CORO2A: variants seen among roughly 807,000 people sequenced by gnomAD.
The protein encoded by CORO2A is coronin-2A.
Under a neutral mutation model 62.4 loss-of-function variants are expected in CORO2A, and 47 were observed. The ratio of observed to expected loss-of-function variants is 0.75; its 90% CI spans 0.60 to 0.96. The LOEUF (loss-of-function observed/expected upper bound fraction) is 0.96. Among genes scored for constraint, CORO2A ranks in the 40% least tolerant of loss-of-function variants. CORO2A has a pLI of 0.00. For synonymous variants in CORO2A, 273 were observed against 268.9 expected, an observed-to-expected ratio of 1.02 and a Z score of -0.15; for missense variants, 610 against 684.1, an observed-to-expected ratio of 0.89 and a Z score of 1.21.
intron 1 of CORO2A, among the ~76,000 whole-genome samples, chr9:98,180,333 G>A (rs749909783): frequency 5.3e-5 from 8 of 152,078 alleles, no homozygotes; most frequent in East Asian, 1.9e-4. Flanking sequence ...CTGCTACAAG[G>A]CTCAGCTTAG....
intron 2 of CORO2A, among the ~76,000 whole-genome samples, chr9:98,139,328 C>CA (rs1260487506): frequency 1.3e-5 from 2 of 151,900 alleles, no homozygotes; most frequent in African/African-American, 4.8e-5. Flanking sequence ...CCCGTCTCTA[C>CA]AAAAAATCAA....
intron 1 of CORO2A, among the ~76,000 whole-genome samples, chr9:98,158,797 G>C (rs544961118): frequency 9.9e-5 from 15 of 151,700 alleles, no homozygotes; most frequent in Non-Finnish European, 1.6e-4. Context: ...AACCACATGT[G>C]GTTTAGTAAG....
chr9:98,129,157 C>G (rs994871687), intron 8 of CORO2A, among the ~76,000 whole-genome samples: 1 of 152,184 alleles, frequency 6.6e-6, no homozygotes, highest in Non-Finnish European at 1.5e-5. Context: ...TTCCTAGGCT[C>G]AAGTGATCCT....
chr9:98,153,347 C>T (rs1389782348), intron 2 of CORO2A, among the ~76,000 whole-genome samples: 3 of 151,426 alleles, frequency 2.0e-5, no homozygotes, highest in African/African-American at 4.9e-5. Flanking sequence ...GTGATCTGCC[C>T]GTCTGGGCCT....
chr9:98,126,878 A>T (rs767601325), intron 10 of CORO2A, 55 bp from the exon 11 acceptor site: 1 of 1,581,940 alleles, frequency 6.3e-7, no homozygotes, highest in South Asian at 1.1e-5. Context: ...AGATGGGCAT[A>T]TGGGGCACCA....
intron 2 of CORO2A, among the ~76,000 whole-genome samples, chr9:98,144,268 C>T (rs1027462517): frequency 6.6e-6 from 1 of 152,096 alleles, no homozygotes; most frequent in East Asian, 1.9e-4. Context: ...GTGCCAGCTG[C>T]GTTGCTCATA....
At chr9:98,142,293 G>A (rs1462543942) in intron 2 of CORO2A, among the ~76,000 whole-genome samples, 1 of 152,242 alleles carries the variant, frequency 6.6e-6, no homozygotes, top group Non-Finnish European at 1.5e-5. Flanking sequence ...CTTGCCCAGG[G>A]TCACTGCAAA....
chr9:98,144,635 C>A (rs1305844637), intron 2 of CORO2A, among the ~76,000 whole-genome samples: 2 of 152,142 alleles, frequency 1.3e-5, no homozygotes, highest in Non-Finnish European at 2.9e-5. Flanking sequence ...GGGGATGAAC[C>A]AGAGAAGGCT....
rs1587989223 is a variant in CORO2A at position 98,126,463 on chromosome 9, C to T, written c.1446+86G>A. 2.6e-6 allele frequency: 4 copies of T among 1,514,098 alleles called. No individual in the cohort carries two copies. The East Asian group carries it at 6.8e-5, about 26-fold the overall frequency. 93.8% of individuals were successfully genotyped at this position (1,514,098 alleles called of 1,614,324 possible). A position where few individuals can be genotyped will look rare whatever the true frequency, so the allele number is the denominator to read the frequency against. On this transcript the variant is annotated intron_variant, in intron 11 of 11. Coordinates refer to ENST00000375077, the MANE Select transcript of CORO2A (RefSeq NM_052820.4). ...ACAGCTGGTTATTCTTCTCATGCCT[C>T]ATTTTCTCCCTTCTTCTCAGCCTGG...
chr9:98,144,192 GAA>G (rs11304742), intron 2 of CORO2A, among the ~76,000 whole-genome samples: 51 of 127,748 alleles, frequency 4.0e-4, no homozygotes, highest in South Asian at 7.8e-4. Flanking sequence ...CTGTTTCGAA[GAA>G]AAAAAAAAAA....
intron 1 of CORO2A, among the ~76,000 whole-genome samples, chr9:98,159,582 CA>C (rs1304710890): frequency 6.6e-6 from 1 of 151,624 alleles, no homozygotes; most frequent in Non-Finnish European, 1.5e-5. Flanking sequence ...CCCATGCCCC[CA>C]CCTCCTGTTC....
In CORO2A at chr9:98,124,719, C is replaced by T; in HGVS notation, c.*55G>A. On this transcript the variant is annotated 3_prime_UTR_variant, in exon 12 of 12. Coordinates refer to ENST00000375077, the MANE Select transcript of CORO2A (RefSeq NM_052820.4). Reference sequence around the variant, plus strand: ...AGGGGACTTGTGGTTTGGTTCTAAACCTCCCCATGGAGCCGAGTGGTGTCC... The same window carrying T: ...AGGGGACTTGTGGTTTGGTTCTAAATCTCCCCATGGAGCCGAGTGGTGTCC... 1 of 1,510,612 alleles carries T rather than the reference C, an allele frequency of 6.6e-7. No homozygotes were observed. Among genetic ancestry groups the T allele is most frequent in the Non-Finnish European group, 8.9e-7 (1 of 1,124,224 alleles). The allele number at this position is 1,510,612 out of a possible 1,614,324, so 93.6% of individuals were successfully genotyped here. A position where few individuals can be genotyped will look rare whatever the true frequency, so the allele number is the denominator to read the frequency against.
rs148025999 is a variant in CORO2A at position 98,154,727 on chromosome 9, C to G, written c.201+2733G>C. On this transcript the variant is annotated intron_variant, in intron 2 of 11. Transcript: ENST00000375077. ...TTTAAAATTTGTTTGGCTTATTTCA[C>G]TCAACTTTATCTTTCTGACTCAACC... 1.8e-4 allele frequency among the ~76,000 whole-genome samples: 27 copies of G among 152,272 alleles called. No homozygotes were observed. In the East Asian group the frequency reaches 4.2e-3, roughly 24 times the overall value.
intron 1 of CORO2A, among the ~76,000 whole-genome samples, chr9:98,167,103 CAAAAA>C (rs35581733): frequency 1.0e-5 from 1 of 98,878 alleles, no homozygotes; most frequent in Non-Finnish European, 2.2e-5. Flanking sequence ...GATCCTGTCT[CAAAAA>C]AAAAAAAAAA....
intron 1 of CORO2A, among the ~76,000 whole-genome samples, chr9:98,163,293 G>A (rs1286144210): frequency 6.6e-6 from 1 of 152,182 alleles, no homozygotes; most frequent in African/African-American, 2.4e-5. Context: ...GGGTTCAAGC[G>A]ATTCTCCTGC....
intron 1 of CORO2A, among the ~76,000 whole-genome samples, chr9:98,178,261 T>G (rs1342636778): frequency 6.6e-6 from 1 of 152,120 alleles, no homozygotes; most frequent in Non-Finnish European, 1.5e-5. Context: ...TGCCCAGGCT[T>G]GTATCAAACT....
rs568255365 is a variant in CORO2A, at chr9:98,172,450, A to G, written c.1-14790T>C. On this transcript the variant is annotated intron_variant, in intron 1 of 11. Coordinates refer to ENST00000375077, the MANE Select transcript of CORO2A (RefSeq NM_052820.4). ...GAGCTCAGCCCCACACCCCACTTCC[A>G]AGCTCAGCCCCACACCCCACTTCTG... Among the ~76,000 whole-genome samples the G allele has an allele frequency of 9.8e-3, 390 of 39,596 alleles. 30 individuals are homozygous for G. Among genetic ancestry groups the G allele is most frequent in the East Asian group, 0.036 (49 of 1,364 alleles). 26.0% of individuals were successfully genotyped at this position (39,596 alleles called of 152,430 possible).
rs73655193 is a variant in CORO2A at position 98,127,333 on chromosome 9, G to A, written c.1172-510C>T. Among the ~76,000 whole-genome samples, 1,069 of 152,286 alleles carry A rather than the reference G, an allele frequency of 7.0e-3. 9 individuals carry two copies. Among genetic ancestry groups the A allele is most frequent in the African/African-American group, 0.024 (995 of 41,560 alleles). On this transcript the variant is annotated intron_variant, in intron 10 of 11. Coordinates refer to ENST00000375077, the MANE Select transcript of CORO2A (RefSeq NM_052820.4). ...GCTCTTCCAGTACACCAGGAGGCCC[G>A]CTCAGCCACTGGGGTGGGGGTGAAG...
intron 6 of CORO2A, 109 bp from the exon 7 acceptor site, chr9:98,131,168 G>A: frequency 2.9e-6 from 2 of 697,454 alleles, no homozygotes; most frequent in Non-Finnish European, 4.9e-6. Flanking sequence ...GAGTGTGTGT[G>A]TCAGAGAAAA....
Sources: allele counts gnomAD v4.1 joint callset (sites outside exome capture counted in the v4.1 genomes callset), GRCh38; gene constraint gnomAD v4.1.1; transcripts MANE v1.5; gene names NCBI Gene and HGNC (gene_info 2026-07-23, HGNC 2026-07-21).